Variants in BTD observed in about 807,000 individuals in gnomAD.
BTD encodes biotinidase.
In BTD, 13 loss-of-function variants were observed where a neutral mutation model predicts 17.7. That is an observed-to-expected ratio of 0.74 (90% CI 0.48 to 1.17). The LOEUF is 1.17. Among genes scored for constraint, BTD ranks in the 50% most tolerant of loss-of-function variants. The pLI, the probability that BTD is intolerant of heterozygous loss-of-function variation, is 0.00. For missense variants in BTD, 674 were observed against 650.4 expected (o/e 1.04, Z -0.39); for synonymous variants, 240 against 245.2 (o/e 0.98, Z 0.20).
At chr3:15,667,717 G>C (rs1575048322) in intron 3 of BTD, 1 of 152,318 alleles carries the variant, frequency 6.6e-6, no homozygotes, top group East Asian at 1.9e-4. Flanking sequence ...CTGGGGGGCA[G>C]ACTCTCACAG....
chr3:15,626,008 C>T (rs1393938742), intron 1 of BTD, among the ~76,000 whole-genome samples: 1 of 152,140 alleles, frequency 6.6e-6, no homozygotes, highest in Middle Eastern at 3.2e-3. Flanking sequence ...ATTTGTCAAT[C>T]TGTTTCTTCT....
Position 15,635,296 on chromosome 3 carries a change from A to G in BTD, c.-16-128A>G. ...CTCTTTTATTAGGAACATGAAACAA[A>G]CTCTTTGAGCCGCAGTATCACTGCG... On this transcript the variant is annotated intron_variant, in intron 1 of 3. Coordinates refer to ENST00000643237, the MANE Select transcript of BTD (RefSeq NM_001370658.1). The surrounding 1 kb of genome is among the most constrained non-coding windows in gnomAD (Gnocchi z 4.1). 1 of 1,413,924 alleles carries G rather than the reference A, an allele frequency of 7.1e-7. No individual in the cohort carries two copies. Among genetic ancestry groups the G allele is most frequent in the Non-Finnish European group, 9.9e-7 (1 of 1,010,466 alleles). 87.6% of individuals were successfully genotyped at this position (1,413,924 alleles called of 1,614,324 possible).
intron 3 of BTD, chr3:15,676,313 T>C: frequency 4.6e-6 from 1 of 216,598 alleles, no homozygotes; most frequent in Non-Finnish European, 9.0e-6. Flanking sequence ...CCTCCGTTGT[T>C]AAGGAATGAG....
chr3:15,721,603 A>T lies in BTD; in HGVS notation c.1016-167A>T, dbSNP rs2073741002. Reference sequence around the variant, plus strand: ...AGTACAGATCAAGATTTAAAAAAAAATGAACGGCATGTTCTATTTATTTAA... The same window carrying T: ...AGTACAGATCAAGATTTAAAAAAAATTGAACGGCATGTTCTATTTATTTAA... On this transcript the variant is annotated intron_variant, in intron 4 of 4. Transcript: ENST00000672427. Among the ~76,000 whole-genome samples, 3 of 152,344 alleles carry T rather than the reference A, an allele frequency of 2.0e-5. No homozygotes were observed. The South Asian group carries it at 6.2e-4, about 32-fold the overall frequency.
chr3:15,608,822 G>A (rs936786570), intron 1 of BTD, among the ~76,000 whole-genome samples: 1 of 151,804 alleles, frequency 6.6e-6, no homozygotes, highest in Non-Finnish European at 1.5e-5. Flanking sequence ...TTCCATACTC[G>A]GGGGAGTGTC....
chr3:15,709,787 T>C, intron 3 of BTD: 1 of 1,270,226 alleles, frequency 7.9e-7, no homozygotes, highest in East Asian at 2.6e-5. Flanking sequence ...GATTTTATAA[T>C]GAAATTGGTA....
At chr3:15,636,087 C>T (rs540479422) in intron 2 of BTD, among the ~76,000 whole-genome samples, 43 of 152,198 alleles carry the variant, frequency 2.8e-4, no homozygotes, top group African/African-American at 9.2e-4. Context: ...CTGGAGAGTC[C>T]GTTGTAATTG....
At position 15,608,714 on chromosome 3, in the gene BTD, C is replaced by T. The variant is rs907039127; in HGVS notation, c.-17+6820C>T. The stretch of plus-strand genomic sequence containing the variant: ...CCAGGAGTTGGAGGTTGCAGTGAGC[C>T]GAGATTGCGCCCCTGCACTCCAGCC... On this transcript the variant is annotated intron_variant, in intron 1 of 3. Transcript: ENST00000643237. Among the ~76,000 whole-genome samples, 18 of 150,468 alleles carry T rather than the reference C, an allele frequency of 1.2e-4. 2 individuals are homozygous for T. The South Asian group carries it at 3.4e-3, about 28-fold the overall frequency.
rs2067072417 is a variant in BTD at position 15,677,547 on chromosome 3, C to G, written c.400-32513C>G. The G allele has an allele frequency of 6.2e-7, 1 of 1,611,796 alleles. No homozygotes were observed. The highest frequency in any genetic ancestry group is 1.3e-5 in the African/African-American group (1 of 74,878). On this transcript the variant is annotated intron_variant, in intron 3 of 3. Coordinates refer to the BTD transcript ENST00000672141. ...TTGTAAAGTCAGTTCTGCACTAGCA[C>G]TGCTAACCAGCATCTCTGGGAGGAA... is the stretch of plus-strand genomic sequence containing the variant.
chr3:15,715,110 C>T (rs2072850237), downstream of BTD, among the ~76,000 whole-genome samples: 1 of 152,122 alleles, frequency 6.6e-6, no homozygotes, highest in African/African-American at 2.4e-5. Flanking sequence ...AATATTTTCT[C>T]AAATCACTTA....
chr3:15,618,542 A>AT (rs2064857570), intron 1 of BTD, among the ~76,000 whole-genome samples: 1 of 151,628 alleles, frequency 6.6e-6, no homozygotes, highest in Non-Finnish European at 1.5e-5. Flanking sequence ...TTTCTTTTTT[A>AT]TTTTTTTGAG....
At chr3:15,709,717 G>T in intron 3 of BTD, 1 of 1,575,122 alleles carries the variant, frequency 6.3e-7, no homozygotes. Flanking sequence ...TTCAGCAGAA[G>T]GTTTAGGCAC....
chr3:15,601,958 C>A, intron 1 of BTD, 64 bp downstream of exon 1: 1 of 1,593,542 alleles, frequency 6.3e-7, no homozygotes, highest in Non-Finnish European at 8.6e-7. Flanking sequence ...CAGACCCCGC[C>A]CCGGGCGCCC....
chr3:15,609,033 T>G (rs1173522025), intron 1 of BTD, among the ~76,000 whole-genome samples: 1 of 152,238 alleles, frequency 6.6e-6, no homozygotes, highest in Non-Finnish European at 1.5e-5. Flanking sequence ...GGGAAGAATC[T>G]CTGAGTGATT....
chr3:15,668,804 A>G lies in BTD; in HGVS notation c.399+26747A>G, dbSNP rs548521100. The G allele has an allele frequency of 2.0e-5, 3 of 152,766 alleles. No individual in the cohort carries two copies. The East Asian group carries it at 5.8e-4, about 29-fold the overall frequency. 9.5% of individuals were successfully genotyped at this position (152,766 alleles called of 1,614,324 possible). A position where few individuals can be genotyped will look rare whatever the true frequency, so the allele number is the denominator to read the frequency against. On this transcript the variant is annotated intron_variant, in intron 3 of 3. Coordinates refer to the BTD transcript ENST00000672141. ...TTCACACTTTATATTCAGAAAAACC[A>G]GCTGATAATTTACAATGTCATAAAG...
At chr3:15,621,155 T>G (rs1368983522) in intron 1 of BTD, among the ~76,000 whole-genome samples, 1 of 152,238 alleles carries the variant, frequency 6.6e-6, no homozygotes, top group African/African-American at 2.4e-5. Context: ...TGAGGGTGGC[T>G]CATCTTTACC....
exon 5 of BTD, among the ~76,000 whole-genome samples, chr3:15,721,996 C>G (rs1021215510): frequency 6.6e-6 from 1 of 152,142 alleles, no homozygotes; most frequent in South Asian, 2.1e-4. Flanking sequence ...CCACCGGCCT[C>G]GGCCTCCCAA....
At chr3:15,675,158 T>C (rs944840631) in intron 3 of BTD, among the ~76,000 whole-genome samples, 1 of 152,058 alleles carries the variant, frequency 6.6e-6, no homozygotes, top group African/African-American at 2.4e-5. Flanking sequence ...TAATCCCAGC[T>C]ACCTGGGCAG....
rs1013869612 is a variant in BTD at position 15,645,687 on chromosome 3, C to T, written c.*199C>T. On this transcript the variant is annotated 3_prime_UTR_variant, in exon 4 of 4. Coordinates refer to ENST00000643237, the MANE Select transcript of BTD (RefSeq NM_001370658.1). ...TGTCTTCCTCTTAAACCTCAATCAT[C>T]GAGACATTAGGGGGTATTTTCTGTT... 4.5e-5 allele frequency: 27 copies of T among 600,642 alleles called. No individual in the cohort carries two copies. The highest frequency in any genetic ancestry group is 2.4e-4 in the Admixed American group (8 of 32,850). 37.2% of individuals were successfully genotyped at this position (600,642 alleles called of 1,614,324 possible).
Sources: allele counts gnomAD v4.1 joint callset (sites outside exome capture counted in the v4.1 genomes callset), GRCh38; gene constraint gnomAD v4.1.1; non-coding constraint Gnocchi (gnomAD v3.1); transcripts MANE v1.5; gene names NCBI Gene and HGNC (gene_info 2026-07-23, HGNC 2026-07-21).